Variants in DCAF10 observed in about 807,000 individuals in gnomAD.
The protein encoded by DCAF10 is DDB1 and CUL4 associated factor 10.
Under a neutral mutation model 51.9 loss-of-function variants are expected in DCAF10, and 19 were observed. The ratio of observed to expected loss-of-function variants is 0.37; its 90% CI spans 0.26 to 0.54. The LOEUF is 0.54. DCAF10 is among the 20% of genes least tolerant of loss of function. The pLI is 0.87. For missense variants in DCAF10, 510 were observed against 730.6 expected (o/e 0.70, Z 3.48); for synonymous variants, 291 against 297.1 (o/e 0.98, Z 0.21).
Position 37,861,482 on chromosome 9 carries a change from G to C in DCAF10, c.1654G>C (p.Val552Leu). Reference sequence around the variant, plus strand: ...TGCCTCAGGGTGCCTTAGTGGACGGGTTTCTTTGTATCAGCCAAAGTTTTA... The same window carrying C: ...TGCCTCAGGGTGCCTTAGTGGACGGCTTTCTTTGTATCAGCCAAAGTTTTA... ...QIASGCLSGR[V>L]SLYQPKF Residue 552 changes from valine (V) to leucine (L), a missense_variant, in exon 7 of 7, where the codon GTT becomes CTT. Coordinates refer to ENST00000377724, the MANE Select transcript of DCAF10 (RefSeq NM_024345.5). The surrounding 1 kb of genome is among the most constrained non-coding windows in gnomAD (Gnocchi z 4.9). 6.2e-7 allele frequency: 1 copy of C among 1,609,784 alleles called. No individual in the cohort carries two copies. Among genetic ancestry groups the C allele is most frequent in the Non-Finnish European group, 8.5e-7 (1 of 1,176,280 alleles).
At position 37,857,309 on chromosome 9, in the gene DCAF10, A is replaced by G. The variant is rs758886694; in HGVS notation, c.1123A>G (p.Asn375Asp). ...SGSPCHHSDSNSSEKHMSRAS... is the reference protein window; with the variant it reads ...SGSPCHHSDSDSSEKHMSRAS... ...CTCACCTTGTCATCATAGTGATTCT[A>G]ATTCTTCTGAGAAACACATGTCACG... Residue 375 changes from asparagine to aspartate, a missense_variant, in exon 5 of 7, where the codon AAT (asparagine) becomes GAT (aspartate). Asn to Asp is a conservative substitution (Grantham distance 23). Coordinates refer to ENST00000377724, the MANE Select transcript of DCAF10 (RefSeq NM_024345.5). 1.4e-5 allele frequency: 22 copies of G among 1,611,080 alleles called. No homozygotes were observed. The highest frequency in any genetic ancestry group is 1.8e-5 in the Non-Finnish European group (21 of 1,179,040).
rs1830354678 is a variant in DCAF10 at position 37,842,191 on chromosome 9, C to T, written c.756C>T (p.His252=). 6.2e-7 allele frequency: 1 copy of T among 1,613,842 alleles called. No homozygotes were observed. The highest frequency in any genetic ancestry group is 1.1e-5 in the South Asian group (1 of 91,074). ...LNTKVCTLHG[H]TSWVKNIEYD... is the part of the protein sequence containing the mutation. ...CCAAAGTATGCACTTTACATGGTCACACTAGCTGGGTGAAGAACATCGAAT... is the reference window on the plus strand; with the variant it reads ...CCAAAGTATGCACTTTACATGGTCATACTAGCTGGGTGAAGAACATCGAAT... The change falls in exon 3 of 7, where the codon CAC becomes CAT. Residue 252 remains histidine (H), a synonymous_variant. Coordinates refer to ENST00000377724, the MANE Select transcript of DCAF10 (RefSeq NM_024345.5).
At chr9:37,815,500 C>T (rs1198641955) in intron 1 of DCAF10, among the ~76,000 whole-genome samples, 1 of 152,090 alleles carries the variant, frequency 6.6e-6, no homozygotes, top group African/African-American at 2.4e-5. Context: ...CAAAAATTAG[C>T]TGGGCATCAT....
intron 3 of DCAF10, among the ~76,000 whole-genome samples, chr9:37,852,772 G>A (rs1047371898): frequency 6.6e-5 from 10 of 152,008 alleles, no homozygotes; most frequent in Non-Finnish European, 1.5e-4. Flanking sequence ...TTAGCTGGAT[G>A]TGGTGGCAGG....
intron 2 of DCAF10, among the ~76,000 whole-genome samples, chr9:37,822,507 T>C (rs1255417316): frequency 1.3e-5 from 2 of 148,376 alleles, no homozygotes; most frequent in African/African-American, 2.5e-5. Context: ...CTGGATGAGA[T>C]TGGAGACTAT....
intron 2 of DCAF10, among the ~76,000 whole-genome samples, chr9:37,819,759 AC>A (rs1334280325): frequency 2.0e-5 from 3 of 152,122 alleles, no homozygotes; most frequent in Non-Finnish European, 4.4e-5. Flanking sequence ...TCTCACTTCC[AC>A]CCTACCACTC....
chr9:37,815,617 C>T (rs1269181963), intron 1 of DCAF10, among the ~76,000 whole-genome samples: 2 of 151,732 alleles, frequency 1.3e-5, no homozygotes, highest in Non-Finnish European at 2.9e-5. Context: ...TGCACCCCAG[C>T]CTGGGCAACA....
chr9:37,816,769 ATCTT>A (rs1372549799), intron 1 of DCAF10, among the ~76,000 whole-genome samples: 1 of 152,038 alleles, frequency 6.6e-6, no homozygotes, highest in African/African-American at 2.4e-5. Flanking sequence ...CTCTAAGAAA[ATCTT>A]TAATGTGTGG....
At chr9:37,834,794 C>CTTTTTTTTTTTT (rs372584446) in intron 2 of DCAF10, among the ~76,000 whole-genome samples, 1 of 144,218 alleles carries the variant, frequency 6.9e-6, no homozygotes, top group African/African-American at 2.6e-5. Flanking sequence ...CAATCACGTA[C>CTTTTTTTTTTTT]TTTTTTTTTT....
intron 2 of DCAF10, among the ~76,000 whole-genome samples, chr9:37,831,032 G>A (rs967598339): frequency 6.6e-6 from 1 of 152,178 alleles, no homozygotes; most frequent in African/African-American, 2.4e-5. Flanking sequence ...AGACCAACCT[G>A]GCTAACATGG....
At chr9:37,814,430 G>T (rs1323528334) in intron 1 of DCAF10, among the ~76,000 whole-genome samples, 1 of 149,882 alleles carries the variant, frequency 6.7e-6, no homozygotes, top group African/African-American at 2.5e-5. Flanking sequence ...TTACAGGCGT[G>T]AGCCACCACG....
In DCAF10 at chr9:37,860,315, T is replaced by G. The variant is rs1003635217; in HGVS notation, c.1311+122T>G. On this transcript the variant is annotated intron_variant, in intron 6 of 6. Transcript: ENST00000377724. ...GCCTTCAAGGGCATACTGCTAGAGA[T>G]CCTGCTTCTCGACTCTCCTGTTTCT... 35 of 1,274,818 alleles carry G rather than the reference T, an allele frequency of 2.7e-5. No individual in the cohort carries two copies. In the African/African-American group the frequency reaches 4.9e-4, roughly 18 times the overall value. 79.0% of individuals were successfully genotyped at this position (1,274,818 alleles called of 1,614,324 possible).
At chr9:37,817,966 T>C (rs568366475) in intron 1 of DCAF10, among the ~76,000 whole-genome samples, 39 of 152,234 alleles carry the variant, frequency 2.6e-4, no homozygotes, top group Admixed American at 2.1e-3. Context: ...TGCAGACAAG[T>C]CCATGATTAG....
Position 37,865,272 on chromosome 9 carries a change from A to C in DCAF10, c.*3764A>C, listed in dbSNP as rs1426824271. The C allele has an allele frequency of 2.6e-5, 4 of 152,156 alleles. No individual in the cohort carries two copies. Among genetic ancestry groups the C allele is most frequent in the Admixed American group, 2.6e-4 (4 of 15,272 alleles). The allele number at this position is 152,156 out of a possible 1,614,324, so 9.4% of individuals were successfully genotyped here. ...AGGATAAACGGCATTGTGAAAAAAAACCGAGCCACACAGATGAGAATTAAA... is the reference window on the plus strand; with the variant it reads ...AGGATAAACGGCATTGTGAAAAAAACCCGAGCCACACAGATGAGAATTAAA... On this transcript the variant is annotated 3_prime_UTR_variant, in exon 7 of 7. Coordinates refer to ENST00000377724, the MANE Select transcript of DCAF10 (RefSeq NM_024345.5).
chr9:37,840,623 TA>T (rs1280984551), intron 2 of DCAF10, among the ~76,000 whole-genome samples: 1 of 152,146 alleles, frequency 6.6e-6, no homozygotes. Flanking sequence ...ATTCATGAAG[TA>T]AAAAAAGTTA....
intron 3 of DCAF10, among the ~76,000 whole-genome samples, chr9:37,844,947 A>T (rs761640252): frequency 5.3e-5 from 8 of 152,242 alleles, no homozygotes; most frequent in Non-Finnish European, 8.8e-5. Context: ...CATCCTCTGA[A>T]GCAAACTTAG....
At chr9:37,810,953 T>A (rs966746815) in intron 1 of DCAF10, among the ~76,000 whole-genome samples, 1 of 152,140 alleles carries the variant, frequency 6.6e-6, no homozygotes, top group Non-Finnish European at 1.5e-5. Flanking sequence ...TCTCATTCCC[T>A]ACGTAGATTA....
At chr9:37,844,875 A>G (rs886675907) in intron 3 of DCAF10, among the ~76,000 whole-genome samples, 1 of 151,676 alleles carries the variant, frequency 6.6e-6, no homozygotes, top group African/African-American at 2.4e-5. Context: ...AGATTTAAAT[A>G]TTATTAATAA....
At chr9:37,857,188 G>C in intron 4 of DCAF10, 53 bp from the exon 5 acceptor site, 1 of 1,357,942 alleles carries the variant, frequency 7.4e-7, no homozygotes, top group Non-Finnish European at 1.0e-6. Flanking sequence ...AAAGTTAAGA[G>C]CCACTACCAG....
Sources: gnomAD v4.1 joint callset for allele counts (sites outside exome capture counted in the v4.1 genomes callset) on GRCh38, gnomAD v4.1.1 for gene constraint, Gnocchi (gnomAD v3.1) non-coding constraint, MANE v1.5 for transcripts, NCBI Gene and HGNC (gene_info 2026-07-23, HGNC 2026-07-21) for gene names.